CTIF: variants seen among roughly 807,000 people sequenced by gnomAD.
CTIF encodes cap binding complex dependent translation initiation factor, also known as CBP80/20-dependent translation initiation factor.
CTIF carries 21 observed loss-of-function variants against 66.0 expected under a neutral mutation model. The observed-to-expected ratio is 0.32, with a 90% CI of 0.23 to 0.46. The LOEUF (loss-of-function observed/expected upper bound fraction) is 0.46. CTIF is among the 20% of genes least tolerant of loss of function. CTIF has a pLI of 1.00. For missense variants in CTIF, 739 were observed against 812.7 expected, an observed-to-expected ratio of 0.91 and a Z score of 1.10; for synonymous variants, 345 against 326.4, an observed-to-expected ratio of 1.06 and a Z score of -0.62.
At chr18:48,631,432 C>T (rs925192650) in intron 2 of CTIF, among the ~76,000 whole-genome samples, 1 of 152,268 alleles carries the variant, frequency 6.6e-6, no homozygotes, top group Non-Finnish European at 1.5e-5. Context: ...TGCCACTGCA[C>T]TCCAGCTTGG....
chr18:48,641,558 A>C (rs768593185), intron 3 of CTIF, among the ~76,000 whole-genome samples: 1 of 152,144 alleles, frequency 6.6e-6, no homozygotes, highest in Non-Finnish European at 1.5e-5. Context: ...AGTGAAGGGC[A>C]CTCTCTTGTT....
chr18:48,572,112 C>A (rs1209605343), intron 1 of CTIF, among the ~76,000 whole-genome samples: 1 of 152,004 alleles, frequency 6.6e-6, no homozygotes, highest in East Asian at 1.9e-4. Flanking sequence ...TCCTTCCCCT[C>A]CCTCCTTTCT....
chr18:48,541,333 C>T (rs536239249), intron 1 of CTIF, among the ~76,000 whole-genome samples: 2 of 152,174 alleles, frequency 1.3e-5, no homozygotes, highest in Admixed American at 6.5e-5. Flanking sequence ...GCCGCCGGCT[C>T]GGCCGCGGCT....
At chr18:48,607,907 A>G (rs1157444317) in intron 1 of CTIF, among the ~76,000 whole-genome samples, 2 of 152,008 alleles carry the variant, frequency 1.3e-5, no homozygotes, top group Non-Finnish European at 2.9e-5. Flanking sequence ...TCTGCTTGCA[A>G]TGACCTTGCA....
Position 48,626,000 on chromosome 18 carries a change from C to CTT in CTIF, c.180+6273_180+6274dup, listed in dbSNP as rs74174709. 2.2e-3 allele frequency among the ~76,000 whole-genome samples: 237 copies of CTT among 109,122 alleles called. 3 individuals are homozygous for CTT. The highest frequency in any genetic ancestry group is 5.6e-3 in the Middle Eastern group (1 of 180). The allele number at this position is 109,122 out of a possible 152,430, so 71.6% of individuals were successfully genotyped here. On this transcript the variant is annotated intron_variant, in intron 2 of 11. Coordinates refer to ENST00000256413, the MANE Select transcript of CTIF (RefSeq NM_014772.3). ...CACATTGTCTTATTTCTTTTTCTTT[C>CTT]TTTTTTTTTTTTTTTTTTTGAGATG...
chr18:48,823,976 C>CCACACACACACACA lies in CTIF; in HGVS notation c.1527+6625_1527+6638dup, dbSNP rs35554666. Among the ~76,000 whole-genome samples the CCACACACACACACA allele has an allele frequency of 6.3e-4, 78 of 124,218 alleles. No individual in the cohort carries two copies. The East Asian group carries it at 0.011, about 18-fold the overall frequency. The allele number at this position is 124,218 out of a possible 152,430, so 81.5% of individuals were successfully genotyped here. ...TTATATATAGAAAATCCTAAAGACT[C>CCACACACACACACA]CACACACACACACACACACACACAC... On this transcript the variant is annotated intron_variant, in intron 10 of 11. Transcript: ENST00000256413.
chr18:48,557,878 C>T (rs555360820), intron 1 of CTIF, among the ~76,000 whole-genome samples: 18 of 152,262 alleles, frequency 1.2e-4, no homozygotes, highest in East Asian at 5.8e-4. Context: ...ATAAGGACAC[C>T]GCTTCTATCC....
At chr18:48,821,171 C>T (rs1034596187) in intron 10 of CTIF, among the ~76,000 whole-genome samples, 4 of 152,240 alleles carry the variant, frequency 2.6e-5, no homozygotes, top group African/African-American at 9.6e-5. Context: ...CCCCTCAGCA[C>T]ACCAACAGCT....
chr18:48,552,355 G>A (rs1053192834), intron 1 of CTIF, among the ~76,000 whole-genome samples: 28 of 152,202 alleles, frequency 1.8e-4, no homozygotes, highest in African/African-American at 5.8e-4. Flanking sequence ...AGAAAGAACT[G>A]TGTGGAAATT....
rs1398346330 is a variant in CTIF at position 48,614,653 on chromosome 18, G to A, written c.-28-4885G>A. The stretch of plus-strand genomic sequence containing the variant: ...TATTGCATGATTCCTCTTATAGGAG[G>A]TACCTGGAATAGGCAAATTCATAGA... On this transcript the variant is annotated intron_variant, in intron 1 of 11. Coordinates refer to ENST00000256413, the MANE Select transcript of CTIF (RefSeq NM_014772.3). Among the ~76,000 whole-genome samples, 4 of 152,284 alleles carry A rather than the reference G, an allele frequency of 2.6e-5. No homozygotes were observed. The East Asian group carries it at 7.7e-4, about 29-fold the overall frequency.
intron 6 of CTIF, among the ~76,000 whole-genome samples, chr18:48,687,314 AC>A (rs2091856331): frequency 6.9e-6 from 1 of 145,294 alleles, no homozygotes; most frequent in Non-Finnish European, 1.5e-5. Context: ...GGACACACAC[AC>A]ACACACACAC....
intron 1 of CTIF, among the ~76,000 whole-genome samples, chr18:48,562,264 CA>C (rs2089179612): frequency 6.6e-6 from 1 of 152,236 alleles, no homozygotes; most frequent in Non-Finnish European, 1.5e-5. Flanking sequence ...GTAGTATCAT[CA>C]CCCACATTTT....
At chr18:48,832,312 C>T (rs2068710791) in intron 10 of CTIF, among the ~76,000 whole-genome samples, 2 of 152,002 alleles carry the variant, frequency 1.3e-5, no homozygotes, top group Non-Finnish European at 2.9e-5. Context: ...GTTGGGACTC[C>T]AGGTGTGCAC....
chr18:48,640,784 G>A (rs1027243478), intron 3 of CTIF, among the ~76,000 whole-genome samples: 1 of 152,258 alleles, frequency 6.6e-6, no homozygotes, highest in South Asian at 2.1e-4. Context: ...CATACACTGG[G>A]ATGATTGATT....
chr18:48,837,488 A>C (rs1305146569), intron 10 of CTIF, among the ~76,000 whole-genome samples: 1 of 152,100 alleles, frequency 6.6e-6, no homozygotes, highest in East Asian at 1.9e-4. Context: ...AAGCACCTGA[A>C]GGCAGGGGTG....
chr18:48,620,621 CA>C (rs1162176309), intron 2 of CTIF, among the ~76,000 whole-genome samples: 5 of 152,162 alleles, frequency 3.3e-5, no homozygotes, highest in Admixed American at 2.6e-4. Flanking sequence ...GTAAGAAGTA[CA>C]AAAGCTGCAG....
intron 7 of CTIF, among the ~76,000 whole-genome samples, chr18:48,749,255 G>A (rs538882594): frequency 3.9e-5 from 6 of 152,228 alleles, no homozygotes; most frequent in Non-Finnish European, 8.8e-5. Context: ...CCAGGGTGCC[G>A]AGGCCAGCTG....
intron 1 of CTIF, among the ~76,000 whole-genome samples, chr18:48,569,600 C>T (rs1450321889): frequency 6.6e-6 from 1 of 152,136 alleles, no homozygotes; most frequent in African/African-American, 2.4e-5. Flanking sequence ...GATTTAATAC[C>T]ATGTGATTAA....
intron 9 of CTIF, among the ~76,000 whole-genome samples, chr18:48,762,579 G>T (rs1209509331): frequency 6.6e-6 from 1 of 152,224 alleles, no homozygotes; most frequent in Non-Finnish European, 1.5e-5. Flanking sequence ...TTAGAGACTA[G>T]TTAAGATACA....
Sources: gnomAD v4.1 joint callset for allele counts (sites outside exome capture counted in the v4.1 genomes callset) on GRCh38, gnomAD v4.1.1 for gene constraint, MANE v1.5 for transcripts, NCBI Gene and HGNC (gene_info 2026-07-23, HGNC 2026-07-21) for gene names.